The following ZNF483 variants were observed in gnomAD, a reference collection of about 807,000 sequenced individuals.
The protein encoded by ZNF483 is zinc finger protein 483.
In ZNF483, 9 loss-of-function variants were observed where a neutral mutation model predicts 28.6. The observed-to-expected ratio is 0.32, with a 90% CI of 0.19 to 0.55. ZNF483 has a LOEUF of 0.55. ZNF483 is among the 20% of genes least tolerant of loss of function. The pLI, the probability that ZNF483 is intolerant of heterozygous loss-of-function variation, is 0.93. For synonymous variants in ZNF483, 322 were observed against 306.2 expected, an observed-to-expected ratio of 1.05 and a Z score of -0.54; for missense variants, 675 against 871.7, an observed-to-expected ratio of 0.77 and a Z score of 2.84.
intron 5 of ZNF483, chr9:111,563,057 T>C: frequency 6.3e-7 from 1 of 1,582,812 alleles, no homozygotes; most frequent in Non-Finnish European, 8.6e-7. Flanking sequence ...ACATTTTTGC[T>C]AAATGGTGAA....
In ZNF483 at chr9:111,545,658, T is replaced by C. The variant is rs951812256; in HGVS notation, c.*2488T>C. The stretch of plus-strand genomic sequence containing the variant: ...GTCTTTTTCTGTACATTTTATGTTA[T>C]ATGTGATCTTTCTGTGTTTTTTTCA... On this transcript the variant is annotated 3_prime_UTR_variant, in exon 6 of 6. Coordinates refer to ENST00000309235, the MANE Select transcript of ZNF483 (RefSeq NM_133464.5). Among the ~76,000 whole-genome samples, 1 of 152,208 alleles carries C rather than the reference T, an allele frequency of 6.6e-6. No individual in the cohort carries two copies. Among genetic ancestry groups the C allele is most frequent in the East Asian group, 1.9e-4 (1 of 5,198 alleles).
rs550456710 is a variant in ZNF483 at position 111,537,146 on chromosome 9, G to T, written c.721+2793G>T. Among the ~76,000 whole-genome samples the T allele has an allele frequency of 9.9e-5, 15 of 152,078 alleles. No homozygotes were observed. The South Asian group carries it at 2.9e-3, about 29-fold the overall frequency. On this transcript the variant is annotated intron_variant, in intron 5 of 5. Transcript: ENST00000309235. ...ACACAGTGAAAAATAGGAGGGAACC[G>T]CAAGAGATCCATTTTTACGGTGATA...
Position 111,527,656 on chromosome 9 carries a change from G to C in ZNF483, c.261G>C (p.Thr87=). The part of the protein sequence containing the change: ...CNQWLRPDIH[T]KEQILELLVF... Reference sequence around the variant, plus strand: ...AGTGGCTGAGACCAGACATTCACACGAAAGAACAGATTTTAGAGCTTCTGG... The same window carrying C: ...AGTGGCTGAGACCAGACATTCACACCAAAGAACAGATTTTAGAGCTTCTGG... The change falls in exon 2 of 6, where the codon ACG becomes ACC. Residue 87 remains threonine (T), a synonymous_variant. Transcript: ENST00000309235. 1 of 1,614,116 alleles carries C rather than the reference G, an allele frequency of 6.2e-7. No homozygotes were observed. Among genetic ancestry groups the C allele is most frequent in the Non-Finnish European group, 8.5e-7 (1 of 1,180,028 alleles).
At chr9:111,565,063 G>A (rs1009247497) in intron 5 of ZNF483, among the ~76,000 whole-genome samples, 1 of 152,282 alleles carries the variant, frequency 6.6e-6, no homozygotes, top group Non-Finnish European at 1.5e-5. Flanking sequence ...GGCGGAGGTT[G>A]CAGTGAACGG....
In ZNF483 at chr9:111,544,139, T is replaced by C; in HGVS notation, c.*969T>C. ...GCTTGCACCTGAGCCATCTCAGCCG[T>C]GAGAGTAACAGTCCTAGGAAAATAG... is the stretch of plus-strand genomic sequence containing the variant. On this transcript the variant is annotated 3_prime_UTR_variant, in exon 6 of 6. Transcript: ENST00000309235. The C allele has an allele frequency of 2.0e-6, 2 of 985,142 alleles. No individual in the cohort carries two copies. Among genetic ancestry groups the C allele is most frequent in the Non-Finnish European group, 2.4e-6 (2 of 829,738 alleles). 61.0% of individuals were successfully genotyped at this position (985,142 alleles called of 1,614,324 possible). A position where few individuals can be genotyped will look rare whatever the true frequency, so the allele number is the denominator to read the frequency against.
At chr9:111,578,101 A>G (rs1589308075), downstream of ZNF483, among the ~76,000 whole-genome samples, 1 of 152,182 alleles carries the variant, frequency 6.6e-6, no homozygotes, top group South Asian at 2.1e-4. Flanking sequence ...TACATGGTAC[A>G]TGAATGATAT....
intron 5 of ZNF483, among the ~76,000 whole-genome samples, chr9:111,568,830 C>T (rs1828687955): frequency 2.0e-5 from 3 of 152,292 alleles, no homozygotes; most frequent in South Asian, 2.1e-4. Context: ...TCCCCCGATA[C>T]ACTACAAGCA....
chr9:111,559,219 G>A (rs568631477), downstream of ZNF483, among the ~76,000 whole-genome samples: 495 of 152,192 alleles, frequency 3.3e-3, 2 homozygotes, highest in Non-Finnish European at 5.1e-3. Flanking sequence ...ACCTCTGCTA[G>A]GGATCACATA....
chr9:111,561,783 G>A (rs900204144), intron 5 of ZNF483, among the ~76,000 whole-genome samples: 1 of 151,444 alleles, frequency 6.6e-6, no homozygotes, highest in Admixed American at 6.6e-5. Context: ...CAAGCAATAG[G>A]GGTGGTAATC....
intron 2 of ZNF483, 107 bp from the exon 3 acceptor site, chr9:111,530,768 T>C (rs113292242): frequency 1.3e-4 from 4 of 31,330 alleles, no homozygotes; most frequent in South Asian, 8.2e-4. Context: ...TATATATATA[T>C]ATATATATAT....
intron 5 of ZNF483, among the ~76,000 whole-genome samples, chr9:111,538,247 G>T (rs1589273286): frequency 6.6e-6 from 1 of 151,670 alleles, no homozygotes; most frequent in South Asian, 2.1e-4. Context: ...GGGCATGGCG[G>T]CTCCCACCTG....
Position 111,543,937 on chromosome 9 carries a change from C to G in ZNF483, c.*767C>G. On this transcript the variant is annotated 3_prime_UTR_variant, in exon 6 of 6. Transcript: ENST00000309235. ...GCCTGGTTCCTAGGATGCTGGACTTCTAGCTTAGTGAGAATGCAGTATACT... is the reference window on the plus strand; with the variant it reads ...GCCTGGTTCCTAGGATGCTGGACTTGTAGCTTAGTGAGAATGCAGTATACT... 1 of 985,270 alleles carries G rather than the reference C, an allele frequency of 1.0e-6. No individual in the cohort carries two copies. The highest frequency in any genetic ancestry group is 1.2e-6 in the Non-Finnish European group (1 of 829,928). 61.0% of individuals were successfully genotyped at this position (985,270 alleles called of 1,614,324 possible). A position where few individuals can be genotyped will look rare whatever the true frequency, so the allele number is the denominator to read the frequency against.
In ZNF483 at chr9:111,533,867, T is replaced by C; in HGVS notation, c.628+2T>C. 1 of 1,588,592 alleles carries C rather than the reference T, an allele frequency of 6.3e-7. No homozygotes were observed. Among genetic ancestry groups the C allele is most frequent in the Non-Finnish European group, 8.5e-7 (1 of 1,173,862 alleles). ...ACCTCAGGAACCTAGAATTTCTGGG[T>C]AAAGACACCTTTTCTTCATTACCTA... On this transcript the variant is annotated splice_donor_variant, in intron 4 of 5. Coordinates refer to ENST00000309235, the MANE Select transcript of ZNF483 (RefSeq NM_133464.5). LOFTEE classifies it high-confidence loss of function.
intron 5 of ZNF483, among the ~76,000 whole-genome samples, chr9:111,571,229 T>C (rs574789844): frequency 1.5e-4 from 22 of 149,258 alleles, no homozygotes; most frequent in African/African-American, 4.8e-4. Context: ...CTGGCCAACA[T>C]GGTGAAACCC....
At chr9:111,559,726 TGG>T (rs1828221486), downstream of ZNF483, among the ~76,000 whole-genome samples, 1 of 152,182 alleles carries the variant, frequency 6.6e-6, no homozygotes, top group African/African-American at 2.4e-5. Flanking sequence ...TGCTCTGCTG[TGG>T]GCCATAGAGG....
intron 5 of ZNF483, among the ~76,000 whole-genome samples, chr9:111,570,459 A>C (rs542978000): frequency 1.3e-5 from 2 of 152,140 alleles, no homozygotes; most frequent in Non-Finnish European, 2.9e-5. Context: ...CATGGCAAAA[A>C]GGACTTTGCA....
rs190915253 is a variant in ZNF483, at chr9:111,547,946, G to C, written c.*4776G>C. 6.6e-5 allele frequency among the ~76,000 whole-genome samples: 10 copies of C among 152,268 alleles called. No homozygotes were observed. Among genetic ancestry groups the C allele is most frequent in the African/African-American group, 2.4e-4 (10 of 41,578 alleles). ...AGATCATTTGACCATATACATGCAT[G>C]TTTATTTCTGGCTGTCTGCTCTGTT... is the stretch of plus-strand genomic sequence containing the variant. On this transcript the variant is annotated 3_prime_UTR_variant, in exon 6 of 6. Coordinates refer to ENST00000309235, the MANE Select transcript of ZNF483 (RefSeq NM_133464.5).
chr9:111,555,617 A>G (rs1828100090), downstream of ZNF483, among the ~76,000 whole-genome samples: 2 of 152,242 alleles, frequency 1.3e-5, no homozygotes, highest in South Asian at 4.1e-4. Flanking sequence ...ACTTACAGTC[A>G]TGGCAGAAGG....
At chr9:111,556,878 T>C (rs1337287905), downstream of ZNF483, among the ~76,000 whole-genome samples, 1 of 152,228 alleles carries the variant, frequency 6.6e-6, no homozygotes. Flanking sequence ...TGAGAGTCAA[T>C]TAAGCCCAAG....
Sources: gnomAD v4.1 joint callset for allele counts (sites outside exome capture counted in the v4.1 genomes callset) on GRCh38, gnomAD v4.1.1 for gene constraint, MANE v1.5 for transcripts, NCBI Gene and HGNC (gene_info 2026-07-23, HGNC 2026-07-21) for gene names.